Variants in GMPS observed in about 807,000 individuals in gnomAD.
The protein encoded by GMPS is GMP synthase [glutamine-hydrolyzing].
In GMPS, 15 loss-of-function variants were observed where a neutral mutation model predicts 77.9. That is an observed-to-expected ratio of 0.19 (90% CI 0.13 to 0.30). The LOEUF (loss-of-function observed/expected upper bound fraction) is 0.30, where lower values mean the gene tolerates loss of function less well. Ranked by LOEUF, GMPS falls within the 10% of genes least tolerant of loss-of-function variation. The pLI is 1.00. For missense variants in GMPS, 590 were observed against 838.8 expected (o/e 0.70, Z 3.66); for synonymous variants, 224 against 275.9 (o/e 0.81, Z 1.86).
intron 13 of GMPS, among the ~76,000 whole-genome samples, chr3:155,934,652 T>C (rs1489723041): frequency 5.3e-5 from 8 of 152,214 alleles, no homozygotes; most frequent in Non-Finnish European, 1.2e-4. Flanking sequence ...AGAGTTGTAA[T>C]AATCACTTAT....
intron 5 of GMPS, among the ~76,000 whole-genome samples, chr3:155,908,849 T>C (rs557771984): frequency 6.6e-6 from 1 of 152,292 alleles, no homozygotes; most frequent in South Asian, 2.1e-4. Flanking sequence ...AGGAGAAAAC[T>C]GGGCTGGAGG....
At chr3:155,912,893 A>G (rs1227820429) in intron 7 of GMPS, among the ~76,000 whole-genome samples, 13 of 152,192 alleles carry the variant, frequency 8.5e-5, no homozygotes. Context: ...AGCCTAAAAC[A>G]GGGATTAGTT....
chr3:155,886,959 A>G (rs191545285), intron 1 of GMPS, among the ~76,000 whole-genome samples: 2 of 152,216 alleles, frequency 1.3e-5, no homozygotes, highest in African/African-American at 4.8e-5. Context: ...ATGAATTAAC[A>G]TAATATTAAC....
chr3:155,897,257 A>C (rs73011129), intron 2 of GMPS, among the ~76,000 whole-genome samples: 1,872 of 152,270 alleles, frequency 0.012, 50 homozygotes, highest in African/African-American at 0.043. Flanking sequence ...CTCAGTTTGC[A>C]GTTTTCCCTT....
chr3:155,911,983 AC>A (rs1755051185), intron 7 of GMPS, among the ~76,000 whole-genome samples: 1 of 152,102 alleles, frequency 6.6e-6, no homozygotes, highest in Non-Finnish European at 1.5e-5. Flanking sequence ...AAGATTCTAT[AC>A]TTTTTTTTTA....
chr3:155,877,757 G>A (rs78939086), intron 1 of GMPS, among the ~76,000 whole-genome samples: 60 of 151,186 alleles, frequency 4.0e-4, no homozygotes, highest in Non-Finnish European at 7.4e-4. Flanking sequence ...CCACTTCCTG[G>A]GTCATAGAAG....
At chr3:155,929,278 TG>T (rs1284170300) in intron 12 of GMPS, among the ~76,000 whole-genome samples, 1 of 152,038 alleles carries the variant, frequency 6.6e-6, no homozygotes, top group Admixed American at 6.6e-5. Flanking sequence ...TGCATTTCTC[TG>T]ATGGCCAGTG....
chr3:155,942,747 C>T lies in GMPS; in HGVS notation c.*5055C>T, dbSNP rs1250187784. ...ACTTTTCCTTCAGAGAGGAGAAAGC[C>T]ACCCCTGTGCTATAGCCACCGCTCC... On this transcript the variant is annotated 3_prime_UTR_variant, in exon 16 of 16. Transcript: ENST00000496455. The T allele has an allele frequency of 4.4e-6, 1 of 225,708 alleles. No homozygotes were observed. The highest frequency in any genetic ancestry group is 6.4e-5 in the East Asian group (1 of 15,558). 14.0% of individuals were successfully genotyped at this position (225,708 alleles called of 1,614,324 possible).
chr3:155,912,776 G>T (rs1275468664), intron 7 of GMPS, among the ~76,000 whole-genome samples: 1 of 152,122 alleles, frequency 6.6e-6, no homozygotes, highest in Non-Finnish European at 1.5e-5. Context: ...CTTGGGGTGG[G>T]GTGGGAAGGA....
At chr3:155,894,254 C>G (rs534087010) in intron 2 of GMPS, among the ~76,000 whole-genome samples, 1 of 152,190 alleles carries the variant, frequency 6.6e-6, no homozygotes, top group Non-Finnish European at 1.5e-5. Context: ...GGCGGAGTCT[C>G]ACTTGGTTAC....
At position 155,939,362 on chromosome 3, in the gene GMPS, T is replaced by A. The variant is rs533472804; in HGVS notation, c.*1670T>A. The A allele has an allele frequency of 2.9e-5, 6 of 208,856 alleles. No homozygotes were observed. Among genetic ancestry groups the A allele is most frequent in the Admixed American group, 2.4e-4 (4 of 16,952 alleles). 12.9% of individuals were successfully genotyped at this position (208,856 alleles called of 1,614,324 possible). A position where few individuals can be genotyped will look rare whatever the true frequency, so the allele number is the denominator to read the frequency against. The stretch of plus-strand genomic sequence containing the variant: ...ACGTTTATGTTTATATGAAAAAAAA[T>A]TTCTAGCCACAGTGTCTTATGATTT... On this transcript the variant is annotated 3_prime_UTR_variant, in exon 16 of 16. Coordinates refer to ENST00000496455, the MANE Select transcript of GMPS (RefSeq NM_003875.3).
chr3:155,928,575 G>A (rs1380127698), intron 12 of GMPS, among the ~76,000 whole-genome samples: 5 of 149,814 alleles, frequency 3.3e-5, no homozygotes, highest in East Asian at 3.9e-4. Context: ...TAGGGTACAT[G>A]TGCACATTGT....
In GMPS at chr3:155,936,342, T is replaced by C. The variant is rs1755765050; in HGVS notation, c.1812T>C (p.Tyr604=). The part of the protein sequence containing the change: ...EAHNILRESG[Y]AGKISQMPVI... Reference sequence around the variant, plus strand: ...TCTACATATACCTTTCTCTAGGGTATGCTGGGAAAATCAGCCAGATGCCGG... The same window carrying C: ...TCTACATATACCTTTCTCTAGGGTACGCTGGGAAAATCAGCCAGATGCCGG... The change falls in exon 15 of 16, where the codon TAT becomes TAC. Residue 604 remains tyrosine (Y), a synonymous_variant. Transcript: ENST00000496455. The C allele has an allele frequency of 1.9e-6, 3 of 1,604,664 alleles. No homozygotes were observed. The highest frequency in any genetic ancestry group is 2.2e-5 in the South Asian group (2 of 90,876).
At chr3:155,884,140 C>CT (rs1299608139) in intron 1 of GMPS, among the ~76,000 whole-genome samples, 1 of 151,316 alleles carries the variant, frequency 6.6e-6, no homozygotes, top group Non-Finnish European at 1.5e-5. Context: ...AATCCCAGCA[C>CT]TTTGGGAGGC....
rs748403872 is a variant in GMPS at position 155,903,895 on chromosome 3, C to CA, written c.364dup (p.Ser122LysfsTer11). On this transcript the variant is annotated frameshift_variant, in exon 4 of 16. Transcript: ENST00000496455. LOFTEE classifies it high-confidence loss of function. ...ATAAGGTATTTGGAGGTACTGTGCA[C>CA]AAAAAAAGTGTCAGAGAAGATGGAG... 14 of 1,553,106 alleles carry CA rather than the reference C, an allele frequency of 9.0e-6. No individual in the cohort carries two copies. The highest frequency in any genetic ancestry group is 2.4e-5 in the South Asian group (2 of 84,344).
intron 12 of GMPS, 125 bp downstream of exon 12, chr3:155,925,491 G>A (rs887850750): frequency 2.0e-5 from 12 of 601,020 alleles, no homozygotes; most frequent in South Asian, 8.1e-5. Flanking sequence ...TGCAACCTCC[G>A]CCTCCTGGGT....
chr3:155,891,770 C>G (rs1315496651), intron 1 of GMPS, among the ~76,000 whole-genome samples: 1 of 151,902 alleles, frequency 6.6e-6, no homozygotes, highest in African/African-American at 2.4e-5. Flanking sequence ...CAATGCCTGG[C>G]TAATTTTGTG....
At chr3:155,891,693 G>A (rs1277462891) in intron 1 of GMPS, among the ~76,000 whole-genome samples, 1 of 147,298 alleles carries the variant, frequency 6.8e-6, no homozygotes, top group African/African-American at 2.5e-5. Context: ...GGCAACTTCC[G>A]CCTCCTGGGT....
chr3:155,903,693 A>G (rs995112859), intron 3 of GMPS, among the ~76,000 whole-genome samples, 170 bp from the exon 4 acceptor site: 1 of 152,370 alleles, frequency 6.6e-6, no homozygotes, highest in Middle Eastern at 3.4e-3. Flanking sequence ...ATAACTGTAT[A>G]GTTATATATA....
Sources: allele counts gnomAD v4.1 joint callset (sites outside exome capture counted in the v4.1 genomes callset), GRCh38; gene constraint gnomAD v4.1.1; transcripts MANE v1.5; gene names NCBI Gene and HGNC (gene_info 2026-07-23, HGNC 2026-07-21).